The following WDR70 variants were observed in gnomAD, a reference collection of about 807,000 sequenced individuals.
The protein encoded by WDR70 is WD repeat domain 70, also known as WD repeat-containing protein 70.
WDR70 carries 53 observed loss-of-function variants against 88.6 expected under a neutral mutation model. The observed-to-expected ratio is 0.60, with a 90% CI of 0.48 to 0.75. The LOEUF (loss-of-function observed/expected upper bound fraction) is 0.75. Ranked by LOEUF, WDR70 falls within the 30% of genes least tolerant of loss-of-function variation. The pLI is 0.00. For synonymous variants in WDR70, 280 were observed against 270.0 expected (o/e 1.04, Z -0.36); for missense variants, 610 against 823.2 (o/e 0.74, Z 3.17).
chr5:37,630,590 G>T (rs1443689654), intron 10 of WDR70, among the ~76,000 whole-genome samples: 1 of 152,158 alleles, frequency 6.6e-6, no homozygotes, highest in East Asian at 1.9e-4. Flanking sequence ...TCCTAGGCAG[G>T]ACTGGTAGGC....
At chr5:37,405,929 G>C (rs1207806382) in intron 5 of WDR70, among the ~76,000 whole-genome samples, 1 of 152,086 alleles carries the variant, frequency 6.6e-6, no homozygotes, top group African/African-American at 2.4e-5. Context: ...TGTAATTCCA[G>C]CTACTCAGGA....
chr5:37,644,055 G>GATC (rs1288585006), intron 10 of WDR70, among the ~76,000 whole-genome samples: 4 of 151,914 alleles, frequency 2.6e-5, no homozygotes, highest in African/African-American at 9.7e-5. Flanking sequence ...CATCCTTGTT[G>GATC]TGTTCTAGAT....
At chr5:37,600,490 G>A (rs1389634730) in intron 9 of WDR70, among the ~76,000 whole-genome samples, 2 of 136,266 alleles carry the variant, frequency 1.5e-5, no homozygotes, top group African/African-American at 5.6e-5. Context: ...TTGCGCCACT[G>A]CACTCCAGCC....
intron 8 of WDR70, among the ~76,000 whole-genome samples, chr5:37,492,252 T>C (rs145147338): frequency 1.6e-4 from 25 of 152,360 alleles, no homozygotes; most frequent in Non-Finnish European, 1.6e-4. Flanking sequence ...TTCTAGCCTT[T>C]TCCCGTTCCA....
At chr5:37,655,093 C>T (rs1011851143) in intron 10 of WDR70, among the ~76,000 whole-genome samples, 29 of 152,138 alleles carry the variant, frequency 1.9e-4, no homozygotes, top group African/African-American at 6.5e-4. Context: ...ACTGGTTTTT[C>T]CTTTCTGTAT....
intron 9 of WDR70, among the ~76,000 whole-genome samples, chr5:37,576,714 T>C (rs556679425): frequency 6.6e-6 from 1 of 151,898 alleles, no homozygotes; most frequent in African/African-American, 2.4e-5. Flanking sequence ...GAGTGATTTA[T>C]GATCATTTTA....
chr5:37,622,958 A>T (rs1013905673), intron 10 of WDR70, among the ~76,000 whole-genome samples: 6 of 152,130 alleles, frequency 3.9e-5, no homozygotes, highest in African/African-American at 1.4e-4. Flanking sequence ...AATAGAATAT[A>T]GCAAATTCTG....
chr5:37,491,832 A>G (rs1340043376), intron 8 of WDR70, among the ~76,000 whole-genome samples: 1 of 152,208 alleles, frequency 6.6e-6, no homozygotes, highest in Non-Finnish European at 1.5e-5. Context: ...GGTATTAATA[A>G]TAGATATAAC....
intron 7 of WDR70, among the ~76,000 whole-genome samples, chr5:37,450,251 G>A (rs911880862): frequency 1.3e-5 from 2 of 152,066 alleles, no homozygotes; most frequent in Non-Finnish European, 2.9e-5. Flanking sequence ...ATAATCCTTT[G>A]GGTATACACC....
At chr5:37,625,262 C>G (rs188872072) in intron 10 of WDR70, among the ~76,000 whole-genome samples, 30 of 152,250 alleles carry the variant, frequency 2.0e-4, no homozygotes, top group Non-Finnish European at 3.5e-4. Flanking sequence ...GAACTGTTCT[C>G]CATAATGGCT....
chr5:37,501,785 T>G (rs1373830132), intron 8 of WDR70, among the ~76,000 whole-genome samples: 2 of 152,202 alleles, frequency 1.3e-5, no homozygotes, highest in Non-Finnish European at 2.9e-5. Context: ...TTCTCTATTC[T>G]GTTCTGTTGG....
intron 8 of WDR70, among the ~76,000 whole-genome samples, chr5:37,514,358 ATG>A (rs1740820245): frequency 2.0e-5 from 1 of 50,776 alleles, no homozygotes; most frequent in South Asian, 1.3e-3. Flanking sequence ...ATATATATAT[ATG>A]TATGTATGTA....
chr5:37,698,662 TAGAC>T (rs1346836134), intron 11 of WDR70, among the ~76,000 whole-genome samples: 1 of 152,178 alleles, frequency 6.6e-6, no homozygotes, highest in African/African-American at 2.4e-5. Context: ...TTAAACATCA[TAGAC>T]AGAATCCTTT....
chr5:37,527,290 G>T (rs1387120376), intron 9 of WDR70, among the ~76,000 whole-genome samples: 2 of 152,068 alleles, frequency 1.3e-5, no homozygotes, highest in Non-Finnish European at 2.9e-5. Flanking sequence ...CAGAGATATA[G>T]ACCAATGGAA....
intron 10 of WDR70, among the ~76,000 whole-genome samples, chr5:37,679,185 C>T (rs1746338716): frequency 6.6e-6 from 1 of 152,172 alleles, no homozygotes. Context: ...GAATTTCCTC[C>T]TGTAGCTCGT....
intron 13 of WDR70, among the ~76,000 whole-genome samples, chr5:37,709,675 T>C (rs1251309041): frequency 6.6e-6 from 1 of 152,226 alleles, no homozygotes; most frequent in Non-Finnish European, 1.5e-5. Context: ...TAGCATGGCT[T>C]ATTAGGACAA....
intron 5 of WDR70, among the ~76,000 whole-genome samples, chr5:37,407,887 G>A (rs1454924268): frequency 6.6e-6 from 1 of 152,088 alleles, no homozygotes; most frequent in African/African-American, 2.4e-5. Flanking sequence ...ATACTTAGAA[G>A]CCTGTGGAAT....
chr5:37,720,023 A>G (rs1747763384), intron 13 of WDR70, among the ~76,000 whole-genome samples: 1 of 151,842 alleles, frequency 6.6e-6, no homozygotes, highest in Non-Finnish European at 1.5e-5. Flanking sequence ...TCAATGTTCT[A>G]TCAAAAAGGA....
chr5:37,396,628 T>C lies in WDR70; in HGVS notation c.492+58T>C. 11 of 1,492,186 alleles carry C rather than the reference T, an allele frequency of 7.4e-6. No individual in the cohort carries two copies. The South Asian group carries it at 1.5e-4, about 20-fold the overall frequency. 92.4% of individuals were successfully genotyped at this position (1,492,186 alleles called of 1,614,324 possible). ...TGGAGTAATATCTTTACTGTAGAGA[T>C]CAGTTCTGCTAAACTGTTTTTCATG... On this transcript the variant is annotated intron_variant, in intron 5 of 17. Transcript: ENST00000265107.
Sources: gnomAD v4.1 joint callset for allele counts (sites outside exome capture counted in the v4.1 genomes callset) on GRCh38, gnomAD v4.1.1 for gene constraint, MANE v1.5 for transcripts, NCBI Gene and HGNC (gene_info 2026-07-23, HGNC 2026-07-21) for gene names.